ADAMTS2: variants seen among roughly 807,000 people sequenced by gnomAD.
ADAMTS2 encodes the protein A disintegrin and metalloproteinase with thrombospondin motifs 2.
Under a neutral mutation model 123.0 loss-of-function variants are expected in ADAMTS2, and 50 were observed. The ratio of observed to expected loss-of-function variants is 0.41; its 90% confidence interval spans 0.32 to 0.51. ADAMTS2 has a LOEUF of 0.51. Ranked by LOEUF, ADAMTS2 falls within the 20% of genes least tolerant of loss-of-function variation. The pLI is 0.35. For synonymous variants in ADAMTS2, 678 were observed against 695.4 expected (o/e 0.98, Z 0.39); for missense variants, 1,494 against 1,705.2 (o/e 0.88, Z 2.18).
In ADAMTS2 at chr5:179,121,689, G is replaced by A. The variant is rs374907597; in HGVS notation, c.3150C>T (p.Pro1050=). The A allele has an allele frequency of 1.9e-6, 3 of 1,597,474 alleles. No homozygotes were observed. The highest frequency in any genetic ancestry group is 1.3e-5 in the African/African-American group (1 of 74,244). ...ACGAGATCTTCCGGATGGGCGAGTC[G>A]GGGTCCGGGCGGGACAGCCACTGAA... ...YVVQWLSRPD[P]DSPIRKISSK... is the part of the protein sequence containing the mutation. The change falls in exon 21 of 22, where the codon CCC becomes CCT. Residue 1050 remains proline, a synonymous_variant. Transcript: ENST00000251582.
At chr5:179,191,775 G>C (rs1162624542) in intron 4 of ADAMTS2, among the ~76,000 whole-genome samples, 3 of 152,198 alleles carry the variant, frequency 2.0e-5, no homozygotes, top group Non-Finnish European at 2.9e-5. Flanking sequence ...ACCCTCTGCT[G>C]AGGGTGGAGG....
chr5:179,151,477 C>T (rs960600186), intron 10 of ADAMTS2, among the ~76,000 whole-genome samples: 1 of 152,168 alleles, frequency 6.6e-6, no homozygotes, highest in Non-Finnish European at 1.5e-5. Flanking sequence ...TACTCCCTGC[C>T]CCCACTGCAG....
chr5:179,206,166 C>A (rs910188625), intron 4 of ADAMTS2, among the ~76,000 whole-genome samples: 1 of 152,216 alleles, frequency 6.6e-6, no homozygotes, highest in Non-Finnish European at 1.5e-5. Flanking sequence ...GGACTTCGGC[C>A]CCCTGTACGG....
chr5:179,296,068 C>T lies in ADAMTS2; in HGVS notation c.535-23004G>A, dbSNP rs539168549. ...GTGCAGAGCCCAGGGGAAGAGCAAA[C>T]CGAGGAGCTGGCGGTGCCTCGGACG... On this transcript the variant is annotated intron_variant, in intron 2 of 21. Transcript: ENST00000251582. Among the ~76,000 whole-genome samples the T allele has an allele frequency of 4.3e-3, 648 of 152,296 alleles. 3 individuals are homozygous for T. Among genetic ancestry groups the T allele is most frequent in the Non-Finnish European group, 6.4e-3 (436 of 68,022 alleles).
At chr5:179,319,143 T>G (rs1581271487) in intron 2 of ADAMTS2, among the ~76,000 whole-genome samples, 2 of 152,210 alleles carry the variant, frequency 1.3e-5, no homozygotes, top group East Asian at 1.9e-4. Flanking sequence ...ACGCATCACA[T>G]GCACCACGTG....
At chr5:179,223,670 A>T (rs1377877651) in intron 3 of ADAMTS2, among the ~76,000 whole-genome samples, 1 of 144,344 alleles carries the variant, frequency 6.9e-6, no homozygotes, top group Non-Finnish European at 1.6e-5. Flanking sequence ...GCACACTCAC[A>T]CATGAATGCA....
rs1170621431 is a variant in ADAMTS2 at position 179,303,488 on chromosome 5, G to T, written c.535-30424C>A. Among the ~76,000 whole-genome samples, 2 of 152,146 alleles carry T rather than the reference G, an allele frequency of 1.3e-5. No homozygotes were observed. Among genetic ancestry groups the T allele is most frequent in the Non-Finnish European group, 2.9e-5 (2 of 68,034 alleles). ...CGCAGAGTTTACTCTTCATTCTCTG[G>T]TATTCCTCAGCCTAGATACAAGGCA... On this transcript the variant is annotated intron_variant, in intron 2 of 21. Transcript: ENST00000251582. The surrounding 1 kb of genome is among the most constrained non-coding windows in gnomAD (Gnocchi z 4.7).
chr5:179,148,617 G>A (rs1325349422), intron 10 of ADAMTS2, among the ~76,000 whole-genome samples: 5 of 152,118 alleles, frequency 3.3e-5, no homozygotes, highest in Non-Finnish European at 1.5e-5. Flanking sequence ...CTGGGGAGCC[G>A]TCCTCCTGTG....
rs570701402 is a variant in ADAMTS2, at chr5:179,260,825, C to T, written c.688+12086G>A. Among the ~76,000 whole-genome samples the T allele has an allele frequency of 1.3e-5, 2 of 152,312 alleles. No individual in the cohort carries two copies. Among genetic ancestry groups the T allele is most frequent in the East Asian group, 3.9e-4 (2 of 5,172 alleles). On this transcript the variant is annotated intron_variant, in intron 3 of 21. Coordinates refer to ENST00000251582, the MANE Select transcript of ADAMTS2 (RefSeq NM_014244.5). The surrounding 1 kb of genome is among the most constrained non-coding windows in gnomAD (Gnocchi z 4.2). ...CGGTAAGTGCTCCAGGAACGCGTCACGTTCTTCTTGCTCCCTGCTGTTCCC... is the reference window on the plus strand; with the variant it reads ...CGGTAAGTGCTCCAGGAACGCGTCATGTTCTTCTTGCTCCCTGCTGTTCCC...
At chr5:179,300,838 G>A (rs1189610831) in intron 2 of ADAMTS2, among the ~76,000 whole-genome samples, 2 of 152,182 alleles carry the variant, frequency 1.3e-5, no homozygotes, top group Non-Finnish European at 2.9e-5. Flanking sequence ...TCTGAGAAAC[G>A]CAAGCCAGCA....
Position 179,343,941 on chromosome 5 carries a change from C to A in ADAMTS2, c.360G>T (p.Leu120=), listed in dbSNP as rs1394532631. Residue 120 remains leucine (L), a synonymous_variant, in exon 2 of 22, where the codon CTG becomes CTT. Transcript: ENST00000251582. The stretch of plus-strand genomic sequence containing the variant: ...GGGCGTTGGGCCGCAGCCGCAGGTG[C>A]AGGTCTCGGCCAAAGACCGTGACAT... ...FYNVTVFGRD[L]HLRLRPNARL... The A allele has an allele frequency of 1.2e-6, 2 of 1,610,630 alleles. No individual in the cohort carries two copies. Among genetic ancestry groups the A allele is most frequent in the Non-Finnish European group, 1.7e-6 (2 of 1,179,256 alleles).
chr5:179,266,781 C>G (rs902779170), intron 3 of ADAMTS2, among the ~76,000 whole-genome samples: 3 of 148,378 alleles, frequency 2.0e-5, no homozygotes, highest in Non-Finnish European at 4.4e-5. Context: ...CCCCAGCCCC[C>G]ACCTGGGCCA....
At chr5:179,205,186 G>A (rs1388791531) in intron 4 of ADAMTS2, among the ~76,000 whole-genome samples, 1 of 152,168 alleles carries the variant, frequency 6.6e-6, no homozygotes, top group Non-Finnish European at 1.5e-5. Context: ...GAGAGACCCT[G>A]GGCACCAGGA....
intron 2 of ADAMTS2, among the ~76,000 whole-genome samples, chr5:179,292,337 C>CCCA (rs368887024): frequency 0.012 from 703 of 60,838 alleles, 4 homozygotes; most frequent in African/African-American, 0.033. Context: ...TTTGCTATTA[C>CCCA]CCCCCAGCTG....
chr5:179,216,675 G>A (rs1288725477), intron 3 of ADAMTS2, among the ~76,000 whole-genome samples: 1 of 152,244 alleles, frequency 6.6e-6, no homozygotes, highest in Non-Finnish European at 1.5e-5. Context: ...TCACCTCCGG[G>A]AGCCTCCATC....
rs374315892 is a variant in ADAMTS2 at position 179,129,986 on chromosome 5, G to A, written c.2403C>T (p.Asp801=). 2.5e-5 allele frequency: 41 copies of A among 1,613,958 alleles called. No individual in the cohort carries two copies. Among genetic ancestry groups the A allele is most frequent in the African/African-American group, 5.3e-5 (4 of 74,916 alleles). Residue 801 remains aspartate, a synonymous_variant, in exon 16 of 22, where the codon GAC becomes GAT. Coordinates refer to ENST00000251582, the MANE Select transcript of ADAMTS2 (RefSeq NM_014244.5). The surrounding 1 kb of genome is among the most constrained non-coding windows in gnomAD (Gnocchi z 4.1). ...CCATGGTCTGCAGCGTCTCCCGGCC[G>A]TCCTCGTCTCTGTACTCCCACTCCA... ...MGVEWEYRDE[D]GRETLQTMGP... is the part of the protein sequence containing the mutation.
At chr5:179,122,946 A>T (rs1288938859) in intron 19 of ADAMTS2, 173 bp from the exon 20 acceptor site, 1 of 895,936 alleles carries the variant, frequency 1.1e-6, no homozygotes, top group Non-Finnish European at 1.7e-6. Flanking sequence ...GGGCAGCCCC[A>T]ATCTCCTGGG....
At chr5:179,336,973 C>A (rs868543581) in intron 2 of ADAMTS2, among the ~76,000 whole-genome samples, 1 of 152,198 alleles carries the variant, frequency 6.6e-6, no homozygotes, top group Admixed American at 6.5e-5. Context: ...TGCCTCTGAG[C>A]GGAAGCTGTG....
In ADAMTS2 at chr5:179,225,070, G is replaced by C. The variant is rs1350708670; in HGVS notation, c.689-17355C>G. On this transcript the variant is annotated intron_variant, in intron 3 of 21. Coordinates refer to ENST00000251582, the MANE Select transcript of ADAMTS2 (RefSeq NM_014244.5). This position sits in a 1 kb window ranked among gnomAD's most constrained non-coding sequence, Gnocchi z 4.5. ...CCACCTTGAAGGACAGCTCCTGATG[G>C]ATGTGTTTTATGGTGGAATCCTCAC... 2.8e-4 allele frequency among the ~76,000 whole-genome samples: 43 copies of C among 152,140 alleles called. 2 individuals are homozygous for C.
Sources: allele counts gnomAD v4.1 joint callset (sites outside exome capture counted in the v4.1 genomes callset), GRCh38; gene constraint gnomAD v4.1.1; non-coding constraint Gnocchi (gnomAD v3.1); transcripts MANE v1.5; gene names NCBI Gene and HGNC (gene_info 2026-07-23, HGNC 2026-07-21).